The following PLCB1 variants were observed in gnomAD, a reference collection of about 807,000 sequenced individuals.
PLCB1 encodes the protein phospholipase C beta 1, also known as 1-phosphatidylinositol 4,5-bisphosphate phosphodiesterase beta-1.
Under a neutral mutation model 161.8 loss-of-function variants are expected in PLCB1, and 46 were observed. The observed-to-expected ratio is 0.28, with a 90% CI of 0.22 to 0.36. The LOEUF is 0.36. Among genes scored for constraint, PLCB1 ranks in the 10% least tolerant of loss-of-function variants. The pLI is 1.00. For synonymous variants in PLCB1, 517 were observed against 503.7 expected, an observed-to-expected ratio of 1.03 and a Z score of -0.35; for missense variants, 1,016 against 1,472.5, an observed-to-expected ratio of 0.69 and a Z score of 5.07.
chr20:8,692,392 C>G (rs1165263393), intron 10 of PLCB1, among the ~76,000 whole-genome samples: 1 of 152,080 alleles, frequency 6.6e-6, no homozygotes, highest in Non-Finnish European at 1.5e-5. Context: ...ACACACAGAC[C>G]TAAAAAGTCA....
intron 31 of PLCB1, among the ~76,000 whole-genome samples, chr20:8,817,096 A>G (rs73605705): frequency 0.07 from 10,584 of 152,262 alleles, 1,002 homozygotes; most frequent in African/African-American, 0.21. Flanking sequence ...TCCCTCTGCC[A>G]TAGAAAATGC....
intron 3 of PLCB1, among the ~76,000 whole-genome samples, chr20:8,438,834 A>C (rs918880101): frequency 2.0e-5 from 3 of 152,172 alleles, no homozygotes; most frequent in Non-Finnish European, 2.9e-5. Flanking sequence ...GAAAGTGGCC[A>C]CTGGTTATTT....
At chr20:8,627,020 G>T (rs112533280) in intron 3 of PLCB1, among the ~76,000 whole-genome samples, 1 of 152,248 alleles carries the variant, frequency 6.6e-6, no homozygotes, top group African/African-American at 2.4e-5. Context: ...CATGCAAATT[G>T]ATGTTTTAGT....
chr20:8,499,263 A>T (rs1364047627), intron 3 of PLCB1, among the ~76,000 whole-genome samples: 1 of 152,214 alleles, frequency 6.6e-6, no homozygotes, highest in Non-Finnish European at 1.5e-5. Flanking sequence ...TGAGAAACAT[A>T]CAAGTATTGC....
chr20:8,604,626 G>C (rs1987703447), intron 3 of PLCB1, among the ~76,000 whole-genome samples: 1 of 152,088 alleles, frequency 6.6e-6, no homozygotes, highest in Non-Finnish European at 1.5e-5. Context: ...AGCATTATTT[G>C]GTTGTCTGTC....
At chr20:8,641,405 C>T (rs1289683089) in intron 4 of PLCB1, among the ~76,000 whole-genome samples, 1 of 152,204 alleles carries the variant, frequency 6.6e-6, no homozygotes, top group Non-Finnish European at 1.5e-5. Flanking sequence ...ATGCAGTCAA[C>T]TCAGTGATTA....
At chr20:8,627,569 A>G (rs1049015268) in intron 3 of PLCB1, among the ~76,000 whole-genome samples, 3 of 152,250 alleles carry the variant, frequency 2.0e-5, no homozygotes, top group African/African-American at 4.8e-5. Flanking sequence ...GGAGGAAATA[A>G]CTTCAGCCAA....
intron 3 of PLCB1, 68 bp downstream of exon 3, chr20:8,371,518 T>C: frequency 9.3e-7 from 1 of 1,073,512 alleles, no homozygotes; most frequent in African/African-American, 1.6e-5. Context: ...ACAATATCAA[T>C]TAATTGCCCC....
chr20:8,199,760 T>C (rs1335040153), intron 2 of PLCB1, among the ~76,000 whole-genome samples: 1 of 152,172 alleles, frequency 6.6e-6, no homozygotes, highest in East Asian at 1.9e-4. Context: ...AACTACATAA[T>C]GAAGATCTTT....
At chr20:8,271,448 C>A (rs184238425) in intron 2 of PLCB1, among the ~76,000 whole-genome samples, 5 of 152,042 alleles carry the variant, frequency 3.3e-5, no homozygotes, top group African/African-American at 9.7e-5. Flanking sequence ...TGAATGAAAA[C>A]CTTAAAACCA....
intron 2 of PLCB1, among the ~76,000 whole-genome samples, chr20:8,346,726 C>T (rs1396723469): frequency 6.6e-6 from 1 of 152,146 alleles, no homozygotes; most frequent in Non-Finnish European, 1.5e-5. Flanking sequence ...AGTGAAAAGC[C>T]TCTCCCTGTC....
At chr20:8,223,410 A>G (rs534837196) in intron 2 of PLCB1, among the ~76,000 whole-genome samples, 63 of 152,290 alleles carry the variant, frequency 4.1e-4, no homozygotes, top group African/African-American at 1.5e-3. Context: ...ATCAAGCCTG[A>G]GGACTTGATA....
At chr20:8,360,919 G>A (rs1160175521) in intron 2 of PLCB1, among the ~76,000 whole-genome samples, 1 of 152,148 alleles carries the variant, frequency 6.6e-6, no homozygotes, top group Non-Finnish European at 1.5e-5. Context: ...AATAACTGGA[G>A]AAAATGAGAC....
At chr20:8,757,393 CA>C (rs1014980682) in intron 24 of PLCB1, among the ~76,000 whole-genome samples, 1 of 151,940 alleles carries the variant, frequency 6.6e-6, no homozygotes, top group Non-Finnish European at 1.5e-5. Flanking sequence ...GAAACCACAA[CA>C]AAAAAAATCA....
chr20:8,214,216 G>A (rs1039376053), intron 2 of PLCB1, among the ~76,000 whole-genome samples: 3 of 152,084 alleles, frequency 2.0e-5, no homozygotes, highest in African/African-American at 7.2e-5. Context: ...CTGTGTCGCT[G>A]CACAAATCTC....
chr20:8,398,667 C>G (rs1978396795), intron 3 of PLCB1, among the ~76,000 whole-genome samples: 1 of 152,174 alleles, frequency 6.6e-6, no homozygotes, highest in South Asian at 2.1e-4. Flanking sequence ...GTCCCTACCT[C>G]CAACGCCCTA....
chr20:8,244,902 T>C (rs1479376106), intron 2 of PLCB1, among the ~76,000 whole-genome samples: 1 of 151,708 alleles, frequency 6.6e-6, no homozygotes, highest in African/African-American at 2.4e-5. Context: ...TTTTAACTTG[T>C]CTGTGTTTAT....
intron 23 of PLCB1, among the ~76,000 whole-genome samples, chr20:8,753,280 T>C (rs992160644): frequency 6.6e-6 from 1 of 152,164 alleles, no homozygotes; most frequent in Non-Finnish European, 1.5e-5. Context: ...ATACATGTAA[T>C]GCACTTGAGT....
chr20:8,488,099 C>T (rs1017542140), intron 3 of PLCB1, among the ~76,000 whole-genome samples: 1 of 152,120 alleles, frequency 6.6e-6, no homozygotes, highest in Non-Finnish European at 1.5e-5. Context: ...TTACCTAATG[C>T]AGTTCAATAC....
Sources: allele counts gnomAD v4.1 joint callset (sites outside exome capture counted in the v4.1 genomes callset), GRCh38; gene constraint gnomAD v4.1.1; transcripts MANE v1.5; gene names NCBI Gene and HGNC (gene_info 2026-07-23, HGNC 2026-07-21).